Variants in CSMD1 observed in about 807,000 individuals in gnomAD.
The protein encoded by CSMD1 is CUB and sushi domain-containing protein 1.
Under a neutral mutation model 417.5 loss-of-function variants are expected in CSMD1, and 213 were observed. The observed-to-expected ratio is 0.51, with a 90% CI of 0.46 to 0.57. CSMD1 has a LOEUF of 0.57. Ranked by LOEUF, CSMD1 falls within the 20% of genes least tolerant of loss-of-function variation. The pLI is 0.00. For missense variants in CSMD1, 6,923 were observed against 4,529.7 expected (o/e 1.53, Z -15.17); for synonymous variants, 2,862 against 1,736.8 (o/e 1.65, Z -16.11).
chr8:4,138,475 G>A (rs999834910), intron 3 of CSMD1, among the ~76,000 whole-genome samples: 2 of 152,004 alleles, frequency 1.3e-5, no homozygotes, highest in South Asian at 2.1e-4. Flanking sequence ...ATGCCTACAA[G>A]TGCCTTCATT....
At chr8:3,489,873 G>C (rs528110223) in intron 11 of CSMD1, among the ~76,000 whole-genome samples, 2 of 152,262 alleles carry the variant, frequency 1.3e-5, no homozygotes, top group South Asian at 2.1e-4. Flanking sequence ...GTTTGAAGTA[G>C]TGAATGCCAG....
At chr8:4,908,587 GT>G (rs1293804127) in intron 1 of CSMD1, among the ~76,000 whole-genome samples, 5 of 149,496 alleles carry the variant, frequency 3.3e-5, no homozygotes, top group African/African-American at 1.2e-4. Context: ...AATGTAGAGA[GT>G]TTTTATTCAA....
chr8:3,541,242 A>T (rs1244294637), intron 10 of CSMD1, among the ~76,000 whole-genome samples: 1 of 152,220 alleles, frequency 6.6e-6, no homozygotes, highest in Non-Finnish European at 1.5e-5. Flanking sequence ...ACATGGATGA[A>T]ACTGGAAGCC....
At chr8:4,160,108 G>C (rs1015872968) in intron 3 of CSMD1, among the ~76,000 whole-genome samples, 1 of 4,426 alleles carries the variant, frequency 2.3e-4, no homozygotes, top group Non-Finnish European at 8.8e-3. Context: ...AAAAAGCACT[G>C]AGGACATTAA....
chr8:3,868,691 G>C (rs948973641), intron 5 of CSMD1, among the ~76,000 whole-genome samples: 1 of 152,140 alleles, frequency 6.6e-6, no homozygotes, highest in East Asian at 1.9e-4. Flanking sequence ...CATGAATGCA[G>C]CGTTATCCTT....
intron 49 of CSMD1, among the ~76,000 whole-genome samples, chr8:3,064,490 G>C (rs529190268): frequency 6.6e-6 from 1 of 152,206 alleles, no homozygotes; most frequent in Non-Finnish European, 1.5e-5. Flanking sequence ...CTACAGAACT[G>C]TGAGTCAATT....
At chr8:3,564,485 GTCT>G (rs1799609778) in intron 10 of CSMD1, among the ~76,000 whole-genome samples, 1 of 149,514 alleles carries the variant, frequency 6.7e-6, no homozygotes. Context: ...TAAGGGATTA[GTCT>G]TCTTAGAAAT....
At chr8:4,129,818 T>C (rs143967442) in intron 3 of CSMD1, among the ~76,000 whole-genome samples, 1 of 152,310 alleles carries the variant, frequency 6.6e-6, no homozygotes, top group African/African-American at 2.4e-5. Context: ...ATTTTCTAAG[T>C]TGTCTCTGAC....
chr8:4,121,084 TTTTTA>T (rs1347598603), intron 3 of CSMD1, among the ~76,000 whole-genome samples: 3 of 151,934 alleles, frequency 2.0e-5, no homozygotes, highest in South Asian at 4.1e-4. Context: ...TGTCAAGGTA[TTTTTA>T]TTTTATTTTT....
chr8:3,309,177 C>T (rs369463798), intron 23 of CSMD1, among the ~76,000 whole-genome samples: 2 of 152,160 alleles, frequency 1.3e-5, no homozygotes, highest in African/African-American at 4.8e-5. Context: ...ACAACCTAGA[C>T]CTCCAAGGAA....
At chr8:4,828,955 A>T (rs892732914) in intron 1 of CSMD1, among the ~76,000 whole-genome samples, 2 of 152,196 alleles carry the variant, frequency 1.3e-5, no homozygotes, top group African/African-American at 4.8e-5. Context: ...AGAGCTAGTA[A>T]TTCCTGTAAT....
intron 2 of CSMD1, among the ~76,000 whole-genome samples, chr8:4,460,562 T>C (rs959329028): frequency 6.6e-6 from 1 of 152,040 alleles, no homozygotes; most frequent in Non-Finnish European, 1.5e-5. Context: ...TAAGAATCTT[T>C]TGCTAGACTG....
chr8:3,440,483 T>C lies in CSMD1; in HGVS notation c.1561+28229A>G, dbSNP rs144802674. On this transcript the variant is annotated intron_variant, in intron 12 of 69. Coordinates refer to ENST00000635120, the MANE Select transcript of CSMD1 (RefSeq NM_033225.6). Reference sequence around the variant, plus strand: ...TATAGAAATACAGTAGATTTTGTTGTTGTTGTTCATCCTGTATCCTGTGAA... The same window carrying C: ...TATAGAAATACAGTAGATTTTGTTGCTGTTGTTCATCCTGTATCCTGTGAA... Among the ~76,000 whole-genome samples the C allele has an allele frequency of 1.3e-3, 201 of 152,330 alleles. 3 individuals carry two copies. Among genetic ancestry groups the C allele is most frequent in the African/African-American group, 4.6e-3 (191 of 41,586 alleles).
chr8:4,864,099 TA>T (rs1347773813), intron 1 of CSMD1, among the ~76,000 whole-genome samples: 1 of 151,984 alleles, frequency 6.6e-6, no homozygotes, highest in Non-Finnish European at 1.5e-5. Flanking sequence ...ACTCAGTCTA[TA>T]AAATTATAGT....
At chr8:2,988,863 C>G (rs1381561288) in intron 54 of CSMD1, among the ~76,000 whole-genome samples, 1 of 152,070 alleles carries the variant, frequency 6.6e-6, no homozygotes, top group Non-Finnish European at 1.5e-5. Flanking sequence ...AGCAGGCTAC[C>G]CAGGGTGAGG....
At chr8:4,795,252 CTTTTTTTTTTTTTTTTTT>C (rs571984359) in intron 1 of CSMD1, among the ~76,000 whole-genome samples, 9 of 46,252 alleles carry the variant, frequency 1.9e-4, no homozygotes, top group East Asian at 7.2e-4. Context: ...GGTGTCATAG[CTTTTTTTTTTTTTTTTTT>C]TTTTTTTTTT....
chr8:2,957,413 T>C (rs1179452265), intron 63 of CSMD1, among the ~76,000 whole-genome samples: 4 of 152,150 alleles, frequency 2.6e-5, no homozygotes, highest in Non-Finnish European at 5.9e-5. Context: ...GAGAATCTCC[T>C]GGAGCGCTTG....
chr8:4,682,571 T>C (rs1584939787), intron 1 of CSMD1, among the ~76,000 whole-genome samples: 1 of 152,086 alleles, frequency 6.6e-6, no homozygotes, highest in African/African-American at 2.4e-5. Flanking sequence ...ACAGATAAGA[T>C]AATACATAAA....
chr8:3,557,608 G>T lies in CSMD1; in HGVS notation c.1344+17337C>A, dbSNP rs144752526. 5.8e-4 allele frequency among the ~76,000 whole-genome samples: 89 copies of T among 152,280 alleles called. 1 individual carries two copies. The East Asian group carries it at 0.016, about 28-fold the overall frequency. ...CCCCAACAGCCTCTCACTGCTTGAG[G>T]CTTTCTTTCCTCTGCTTTGAGGCCC... On this transcript the variant is annotated intron_variant, in intron 10 of 69. Coordinates refer to ENST00000635120, the MANE Select transcript of CSMD1 (RefSeq NM_033225.6).
Sources: gnomAD v4.1 joint callset for allele counts (sites outside exome capture counted in the v4.1 genomes callset) on GRCh38, gnomAD v4.1.1 for gene constraint, MANE v1.5 for transcripts, NCBI Gene and HGNC (gene_info 2026-07-23, HGNC 2026-07-21) for gene names.